The following SLC16A7 variants were observed in gnomAD, a reference collection of about 807,000 sequenced individuals.
SLC16A7 encodes the protein solute carrier family 16 member 7.
A neutral mutation model predicts 34.9 loss-of-function variants in SLC16A7; 33 were observed. The observed-to-expected ratio is 0.94, with a 90% CI of 0.72 to 1.26. SLC16A7 has a LOEUF of 1.26. Ranked by LOEUF, SLC16A7 falls within the 50% of genes most tolerant of loss-of-function variation. The pLI is 0.00. For synonymous variants in SLC16A7, 201 were observed against 206.6 expected, an observed-to-expected ratio of 0.97 and a Z score of 0.23; for missense variants, 573 against 578.1, an observed-to-expected ratio of 0.99 and a Z score of 0.09.
chr12:59,730,982 A>T (rs562307620), intron 3 of SLC16A7, among the ~76,000 whole-genome samples: 1 of 152,186 alleles, frequency 6.6e-6, no homozygotes, highest in South Asian at 2.1e-4. Flanking sequence ...ATAAATTATC[A>T]TGAAAATCTA....
rs1449530332 is a variant in SLC16A7 at position 59,786,179 on chromosome 12, G to A, written c.*6500G>A. On this transcript the variant is annotated 3_prime_UTR_variant, in exon 6 of 6. Transcript: ENST00000547379. ...GTGCACATGTACCCTAAAACTTAAA[G>A]TATAATAATAATAAATAAAATAAAA... 6.9e-6 allele frequency: 1 copy of A among 144,780 alleles called. No homozygotes were observed. The highest frequency in any genetic ancestry group is 1.5e-5 in the Non-Finnish European group (1 of 67,420). The allele number at this position is 144,780 out of a possible 1,614,324, so 9.0% of individuals were successfully genotyped here.
chr12:59,622,245 G>A (rs1879725523), intron 1 of SLC16A7, among the ~76,000 whole-genome samples: 3 of 151,860 alleles, frequency 2.0e-5, no homozygotes, highest in Admixed American at 1.3e-4. Flanking sequence ...GTAAGCCACT[G>A]TAGTCTTTCT....
intron 1 of SLC16A7, among the ~76,000 whole-genome samples, chr12:59,632,562 C>T (rs1468006455): frequency 2.0e-5 from 3 of 151,992 alleles, no homozygotes; most frequent in African/African-American, 4.8e-5. Context: ...CCCTGAATTC[C>T]TCCTTAAATC....
intron 2 of SLC16A7, among the ~76,000 whole-genome samples, chr12:59,669,259 AG>A (rs1486418984): frequency 6.6e-6 from 1 of 152,226 alleles, no homozygotes; most frequent in African/African-American, 2.4e-5. Context: ...ATTCATTTCA[AG>A]GTTGAAACAA....
rs535870815 is a variant in SLC16A7, at chr12:59,755,743, T to G, written c.218-15476T>G. ...GCTACCAATTACTTTCTTCACAGAA[T>G]TGGAAAAAGCTACTTTCAAGTTCAT... On this transcript the variant is annotated intron_variant, in intron 3 of 5. Coordinates refer to ENST00000547379, the MANE Select transcript of SLC16A7 (RefSeq NM_001270623.2). 1.6e-4 allele frequency among the ~76,000 whole-genome samples: 24 copies of G among 152,164 alleles called. 1 individual carries two copies. The highest frequency in any genetic ancestry group is 3.3e-4 in the Admixed American group (5 of 15,274).
chr12:59,644,350 T>G (rs368004028), intron 1 of SLC16A7, among the ~76,000 whole-genome samples: 79 of 152,170 alleles, frequency 5.2e-4, no homozygotes, highest in African/African-American at 1.8e-3. Context: ...GTGGATTACT[T>G]GATGTCAGGA....
At chr12:59,779,385 T>G in intron 5 of SLC16A7, 38 bp from the exon 6 acceptor site, 1 of 1,488,534 alleles carries the variant, frequency 6.7e-7, no homozygotes, top group Non-Finnish European at 9.1e-7. Context: ...TATGACTGTT[T>G]TATTATGCCA....
At position 59,774,867 on chromosome 12, in the gene SLC16A7, C is replaced by T; in HGVS notation, c.572C>T (p.Ala191Val). 6.2e-7 allele frequency: 1 copy of T among 1,613,896 alleles called. No individual in the cohort carries two copies. The highest frequency in any genetic ancestry group is 1.1e-5 in the South Asian group (1 of 91,058). The change falls in exon 5 of 6, where the codon GCT (alanine) becomes GTT (valine). Residue 191 changes from alanine (A) to valine (V), a missense_variant. Physicochemically the swap from Ala to Val is moderately conservative, Grantham distance 64 (BLOSUM62 0). Coordinates refer to ENST00000547379, the MANE Select transcript of SLC16A7 (RefSeq NM_001270623.2). ...AGTCTACTTTTGAATGCCTGTGTGGCTGGTTCCCTCATGAGACCCCTTGGA... is the reference window on the plus strand; with the variant it reads ...AGTCTACTTTTGAATGCCTGTGTGGTTGGTTCCCTCATGAGACCCCTTGGA... ...LGSLLLNACVAGSLMRPLGPN... is the reference protein window; with the variant it reads ...LGSLLLNACVVGSLMRPLGPN...
At chr12:59,618,780 T>TC (rs1413234235) in intron 1 of SLC16A7, among the ~76,000 whole-genome samples, 1 of 152,032 alleles carries the variant, frequency 6.6e-6, no homozygotes. Flanking sequence ...ACTATCATCC[T>TC]CTTCTCCCTG....
chr12:59,651,455 T>C (rs553639456), intron 1 of SLC16A7, among the ~76,000 whole-genome samples: 1 of 152,330 alleles, frequency 6.6e-6, no homozygotes, highest in South Asian at 2.1e-4. Context: ...GAATTTCTTA[T>C]GTCAGCCATG....
intron 3 of SLC16A7, among the ~76,000 whole-genome samples, chr12:59,740,948 A>G (rs567984134): frequency 6.6e-6 from 1 of 152,248 alleles, no homozygotes; most frequent in East Asian, 1.9e-4. Flanking sequence ...TCATGTGTGA[A>G]CTCCCTTTCA....
intron 3 of SLC16A7, among the ~76,000 whole-genome samples, chr12:59,767,471 A>G (rs765974445): frequency 1.6e-4 from 24 of 152,138 alleles, no homozygotes; most frequent in African/African-American, 4.3e-4. Flanking sequence ...TTAGGGCCCA[A>G]TGAAGCTGGT....
intron 2 of SLC16A7, among the ~76,000 whole-genome samples, chr12:59,689,696 A>C (rs1871423138): frequency 6.6e-6 from 1 of 151,948 alleles, no homozygotes; most frequent in Admixed American, 6.6e-5. Context: ...ATTTTTCTTT[A>C]ACTCCTCTTC....
intron 5 of SLC16A7, among the ~76,000 whole-genome samples, chr12:59,778,148 G>A (rs1203058343): frequency 6.6e-6 from 1 of 152,056 alleles, no homozygotes; most frequent in African/African-American, 2.4e-5. Context: ...TGATGTGGCA[G>A]CCCAAAGTGG....
At chr12:59,617,459 A>G (rs1051849111) in intron 1 of SLC16A7, among the ~76,000 whole-genome samples, 1 of 151,974 alleles carries the variant, frequency 6.6e-6, no homozygotes, top group African/African-American at 2.4e-5. Flanking sequence ...TGCCTTAAGG[A>G]AAGATCTTTG....
chr12:59,704,780 A>T lies in SLC16A7; in HGVS notation c.-22A>T. 6.4e-7 allele frequency: 1 copy of T among 1,558,140 alleles called. No individual in the cohort carries two copies. The highest frequency in any genetic ancestry group is 1.7e-5 in the Admixed American group (1 of 58,760). ...TCATTATTTTAATATAGGTTACTTG[A>T]ATTTCCACTAGAGGAGCAGAAATGC... is the stretch of plus-strand genomic sequence containing the variant. On this transcript the variant is annotated 5_prime_UTR_variant, in exon 3 of 6. Coordinates refer to ENST00000547379, the MANE Select transcript of SLC16A7 (RefSeq NM_001270623.2).
Position 59,645,790 on chromosome 12 carries a change from G to C in SLC16A7, c.-129-9362G>C, listed in dbSNP as rs369282095. Among the ~76,000 whole-genome samples, 70 of 152,230 alleles carry C rather than the reference G, an allele frequency of 4.6e-4. 6 individuals carry two copies. The South Asian group carries it at 7.3e-3, about 16-fold the overall frequency. ...AGACAGGAAAATGTGGGGAAGTTTG[G>C]AACTTCATAGAGACTTGTTGAATGG... On this transcript the variant is annotated intron_variant, in intron 1 of 5. Transcript: ENST00000547379.
rs1050106802 is a variant in SLC16A7, at chr12:59,780,735, T to G, written c.*1056T>G. On this transcript the variant is annotated 3_prime_UTR_variant, in exon 6 of 6. Coordinates refer to ENST00000547379, the MANE Select transcript of SLC16A7 (RefSeq NM_001270623.2). Reference sequence around the variant, plus strand: ...CCGAATTCTAATTTTTCCCAACACATAGTGGTAATTGGAGGTTACTGTTAT... The same window carrying G: ...CCGAATTCTAATTTTTCCCAACACAGAGTGGTAATTGGAGGTTACTGTTAT... The G allele has an allele frequency of 6.6e-6, 1 of 152,108 alleles. No individual in the cohort carries two copies. Among genetic ancestry groups the G allele is most frequent in the African/African-American group, 2.4e-5 (1 of 41,442 alleles). The allele number at this position is 152,108 out of a possible 1,614,324, so 9.4% of individuals were successfully genotyped here. A position where few individuals can be genotyped will look rare whatever the true frequency, so the allele number is the denominator to read the frequency against.
In SLC16A7 at chr12:59,704,910, C is replaced by T; in HGVS notation, c.109C>T (p.Pro37Ser). 5.6e-6 allele frequency: 9 copies of T among 1,613,288 alleles called. No individual in the cohort carries two copies. Among genetic ancestry groups the T allele is most frequent in the South Asian group, 1.1e-5 (1 of 91,062 alleles). ...FISIGFSYAF[P>S]KAVTVFFKEI... is the part of the protein sequence containing the mutation. ...CTCCATTGGATTTTCCTATGCATTCCCCAAAGCTGTCACCGTATTCTTCAA... is the reference window on the plus strand; with the variant it reads ...CTCCATTGGATTTTCCTATGCATTCTCCAAAGCTGTCACCGTATTCTTCAA... The change falls in exon 3 of 6, where the codon CCC (proline) becomes TCC (serine). Residue 37 changes from proline (P) to serine (S), a missense_variant. By Grantham distance (74) the Pro-to-Ser change is moderately conservative. Transcript: ENST00000547379.
Sources: allele counts gnomAD v4.1 joint callset (sites outside exome capture counted in the v4.1 genomes callset), GRCh38; gene constraint gnomAD v4.1.1; transcripts MANE v1.5; gene names NCBI Gene and HGNC (gene_info 2026-07-23, HGNC 2026-07-21).